Variants in PCCB observed in about 807,000 individuals in gnomAD.
The protein encoded by PCCB is propionyl-CoA carboxylase subunit beta.
Under a neutral mutation model 60.7 loss-of-function variants are expected in PCCB, and 43 were observed. The observed-to-expected ratio is 0.71, with a 90% CI of 0.55 to 0.91. The LOEUF is 0.91. Ranked by LOEUF, PCCB falls within the 40% of genes least tolerant of loss-of-function variation. PCCB has a pLI of 0.00. For synonymous variants in PCCB, 276 were observed against 255.9 expected (o/e 1.08, Z -0.75); for missense variants, 766 against 702.8 (o/e 1.09, Z -1.02).
chr3:136,256,998 C>G (rs1158478154), intron 3 of PCCB, among the ~76,000 whole-genome samples: 1 of 152,174 alleles, frequency 6.6e-6, no homozygotes. Context: ...GGACTTGACT[C>G]TCAGAACCAG....
chr3:136,283,119 G>A (rs1942523276), intron 5 of PCCB, among the ~76,000 whole-genome samples: 1 of 152,174 alleles, frequency 6.6e-6, no homozygotes, highest in Non-Finnish European at 1.5e-5. Context: ...AGGCTGAAAA[G>A]TGAACCTACT....
At position 136,301,475 on chromosome 3, in the gene PCCB, G is replaced by C. The variant is rs183071098; in HGVS notation, c.966+364G>C. On this transcript the variant is annotated intron_variant, in intron 9 of 14. Coordinates refer to ENST00000251654, the MANE Select transcript of PCCB (RefSeq NM_000532.5). Reference sequence around the variant, plus strand: ...TCATTGGGGCCCTCTGCTCAGAGGGGGTTTTGTCTTTATAGAGAAGAGAGT... The same window carrying C: ...TCATTGGGGCCCTCTGCTCAGAGGGCGTTTTGTCTTTATAGAGAAGAGAGT... Among the ~76,000 whole-genome samples, 135 of 152,104 alleles carry C rather than the reference G, an allele frequency of 8.9e-4. 1 individual carries two copies. The highest frequency in any genetic ancestry group is 4.4e-5 in the Non-Finnish European group (3 of 68,000).
intron 5 of PCCB, among the ~76,000 whole-genome samples, chr3:136,282,582 C>T (rs530247118): frequency 6.6e-6 from 1 of 152,254 alleles, no homozygotes; most frequent in African/African-American, 2.4e-5. Context: ...CAATGTAGCT[C>T]CATTTTCTCC....
chr3:136,299,385 T>C (rs1934095540), intron 8 of PCCB, among the ~76,000 whole-genome samples: 2 of 151,942 alleles, frequency 1.3e-5, no homozygotes, highest in South Asian at 2.1e-4. Flanking sequence ...TATGCATATG[T>C]ATGTATATGT....
At chr3:136,312,823 A>G (rs1045462671) in intron 9 of PCCB, among the ~76,000 whole-genome samples, 18 of 152,182 alleles carry the variant, frequency 1.2e-4, no homozygotes, top group Admixed American at 6.5e-4. Context: ...AAGGCAACCA[A>G]TATGCTAGAA....
chr3:136,271,480 C>T (rs926265479), intron 5 of PCCB, among the ~76,000 whole-genome samples: 3 of 152,106 alleles, frequency 2.0e-5, no homozygotes, highest in Admixed American at 6.6e-5. Flanking sequence ...TGATTCTTAC[C>T]TCCATGAGCA....
At chr3:136,262,643 G>A (rs1455161161) in intron 5 of PCCB, among the ~76,000 whole-genome samples, 1 of 152,230 alleles carries the variant, frequency 6.6e-6, no homozygotes, top group Non-Finnish European at 1.5e-5. Context: ...GTATATTTGT[G>A]AGAGATACAG....
intron 10 of PCCB, among the ~76,000 whole-genome samples, chr3:136,322,263 A>G (rs1328156835): frequency 2.6e-5 from 4 of 152,162 alleles, no homozygotes; most frequent in Non-Finnish European, 5.9e-5. Context: ...AGATTACGTT[A>G]ATTGATTTTT....
rs1935379016 is a variant in PCCB, at chr3:136,327,745, T to TG, written c.1398+14dup. The stretch of plus-strand genomic sequence containing the variant: ...CATGGGAGCAAAGGTGAGGGCCTCT[T>TG]GCTTTTCCCTTTCTGGGTCCAAGGA... On this transcript the variant is annotated intron_variant, in intron 13 of 14. Transcript: ENST00000251654. 3.1e-6 allele frequency: 5 copies of TG among 1,599,698 alleles called. No individual in the cohort carries two copies. Among genetic ancestry groups the TG allele is most frequent in the Non-Finnish European group, 4.3e-6 (5 of 1,167,572 alleles).
intron 10 of PCCB, among the ~76,000 whole-genome samples, chr3:136,319,453 A>C (rs148420373): frequency 1.3e-5 from 2 of 151,352 alleles, no homozygotes; most frequent in East Asian, 3.9e-4. Flanking sequence ...CTGGAGTGCA[A>C]TGGTACGATC....
intron 5 of PCCB, among the ~76,000 whole-genome samples, chr3:136,267,336 C>T (rs1200564897): frequency 6.6e-6 from 1 of 152,156 alleles, no homozygotes; most frequent in Non-Finnish European, 1.5e-5. Flanking sequence ...TAGGCACACA[C>T]TAGTACACCC....
At chr3:136,275,841 G>GC (rs1942319662) in intron 5 of PCCB, among the ~76,000 whole-genome samples, 2 of 152,088 alleles carry the variant, frequency 1.3e-5, no homozygotes, top group Non-Finnish European at 1.5e-5. Context: ...CACAATCTTG[G>GC]CTCACTGCAA....
rs112752329 is a variant in PCCB at position 136,269,495 on chromosome 3, TA to T, written c.543+7431del. 3.3e-5 allele frequency among the ~76,000 whole-genome samples: 5 copies of T among 152,284 alleles called. 1 individual carries two copies. Among genetic ancestry groups the T allele is most frequent in the African/African-American group, 1.2e-4 (5 of 41,558 alleles). On this transcript the variant is annotated intron_variant, in intron 5 of 14. Transcript: ENST00000251654. ...TGTCTTCTGCAAATAGAGGCAGTTT[TA>T]CTTATTCCTTTCTAATCTGGATGCC... is the stretch of plus-strand genomic sequence containing the variant.
chr3:136,327,635 C>T lies in PCCB; in HGVS notation c.1301C>T (p.Ala434Val), dbSNP rs751538672. 3.7e-6 allele frequency: 6 copies of T among 1,609,790 alleles called. No homozygotes were observed. In the East Asian group the frequency reaches 1.3e-4, roughly 36 times the overall value. The stretch of plus-strand genomic sequence containing the variant: ...ACTCAGCATTTGGATCTGTTTTAGG[C>T]CTATGGAGGTGCCTATGATGTCATG... ...VPKVTVITRKAYGGAYDVMSS... is the reference protein window; with the variant it reads ...VPKVTVITRKVYGGAYDVMSS... Residue 434 changes from alanine (A) to valine (V), a missense_variant and splice_region_variant, in exon 13 of 15, where the codon GCC becomes GTC. Transcript: ENST00000251654.
At chr3:136,301,937 C>T (rs568695908) in intron 9 of PCCB, among the ~76,000 whole-genome samples, 2 of 152,096 alleles carry the variant, frequency 1.3e-5, no homozygotes, top group East Asian at 1.9e-4. Flanking sequence ...TAGTTGTTAA[C>T]GTCTGGCTCC....
intron 1 of PCCB, among the ~76,000 whole-genome samples, chr3:136,253,752 C>A (rs140463218): frequency 9.4e-5 from 14 of 149,402 alleles, no homozygotes; most frequent in Middle Eastern, 7.0e-3. Flanking sequence ...CTTAGTGCAT[C>A]CTCGACCTCT....
intron 9 of PCCB, among the ~76,000 whole-genome samples, chr3:136,311,246 A>G (rs1378160554): frequency 1.6e-4 from 24 of 152,340 alleles, no homozygotes; most frequent in Non-Finnish European, 1.5e-4. Flanking sequence ...ATCTTCATAT[A>G]CGCAAGCAGT....
At chr3:136,285,107 AAG>A (rs1384060809) in intron 6 of PCCB, among the ~76,000 whole-genome samples, 5 of 146,128 alleles carry the variant, frequency 3.4e-5, no homozygotes, top group African/African-American at 5.0e-5. Context: ...AAAAAAAAAA[AAG>A]GTAAGATGAC....
chr3:136,257,072 C>T (rs1270131313), intron 3 of PCCB, among the ~76,000 whole-genome samples: 2 of 152,146 alleles, frequency 1.3e-5, no homozygotes. Flanking sequence ...TGCATCAAGA[C>T]AGATACAGTT....
Sources: gnomAD v4.1 joint callset for allele counts (sites outside exome capture counted in the v4.1 genomes callset) on GRCh38, gnomAD v4.1.1 for gene constraint, MANE v1.5 for transcripts, NCBI Gene and HGNC (gene_info 2026-07-23, HGNC 2026-07-21) for gene names.